Variants in SNTG2 observed in about 807,000 individuals in gnomAD.
SNTG2 encodes the protein gamma-2-syntrophin.
Under a neutral mutation model 70.9 loss-of-function variants are expected in SNTG2, and 74 were observed. The observed-to-expected ratio is 1.04, with a 90% CI of 0.86 to 1.27. The LOEUF (loss-of-function observed/expected upper bound fraction) is 1.27. Among genes scored for constraint, SNTG2 ranks in the 50% most tolerant of loss-of-function variants. The probability of loss-of-function intolerance (pLI) is 0.00; values close to 1 mark genes in which losing one functional copy is unlikely to be tolerated. For synonymous variants in SNTG2, 278 were observed against 273.8 expected (o/e 1.02, Z -0.15); for missense variants, 717 against 690.7 (o/e 1.04, Z -0.43).
At chr2:1,019,226 A>G (rs1660019472) in intron 1 of SNTG2, among the ~76,000 whole-genome samples, 1 of 152,200 alleles carries the variant, frequency 6.6e-6, no homozygotes, top group African/African-American at 2.4e-5. Context: ...TTGAAATCAG[A>G]CAGGCCAGAT....
At chr2:1,084,588 G>A (rs892578420) in intron 2 of SNTG2, among the ~76,000 whole-genome samples, 10 of 152,274 alleles carry the variant, frequency 6.6e-5, no homozygotes, top group East Asian at 3.9e-4. Context: ...ATCCCACCAC[G>A]TGCCCTCTTC....
chr2:1,273,150 C>T (rs1274669036), intron 14 of SNTG2, among the ~76,000 whole-genome samples: 1 of 152,130 alleles, frequency 6.6e-6, no homozygotes, highest in Non-Finnish European at 1.5e-5. Context: ...TGAGGCAAAC[C>T]AAGCTGTCAT....
rs114612463 is a variant in SNTG2, at chr2:1,118,180, G to C, written c.326-19442G>C. On this transcript the variant is annotated intron_variant, in intron 4 of 16. Transcript: ENST00000308624. ...GGGCTTCACGTCACCCCAGGGCCCT[G>C]GTTCCACAGCTGCCCTGTGCACCTG... Among the ~76,000 whole-genome samples the C allele has an allele frequency of 9.4e-3, 1,425 of 152,096 alleles. 33 individuals carry two copies. Among genetic ancestry groups the C allele is most frequent in the African/African-American group, 0.033 (1,349 of 41,484 alleles).
chr2:1,257,137 A>G (rs1678165500), intron 12 of SNTG2, among the ~76,000 whole-genome samples: 1 of 152,038 alleles, frequency 6.6e-6, no homozygotes, highest in Non-Finnish European at 1.5e-5. Context: ...TGCCACACCC[A>G]TAACATCCAT....
intron 13 of SNTG2, among the ~76,000 whole-genome samples, chr2:1,266,175 C>CAGAG (rs61105769): frequency 2.7e-5 from 4 of 149,646 alleles, no homozygotes; most frequent in African/African-American, 9.8e-5. Context: ...GAAATGGAGA[C>CAGAG]AGAGAGAGAG....
chr2:1,064,965 T>C (rs1663057932), intron 1 of SNTG2, among the ~76,000 whole-genome samples: 1 of 152,208 alleles, frequency 6.6e-6, no homozygotes, highest in Non-Finnish European at 1.5e-5. Context: ...TCTGTGTCAA[T>C]ACTAAGCATC....
chr2:1,018,771 T>C lies in SNTG2; in HGVS notation c.73-64747T>C, dbSNP rs190004249. On this transcript the variant is annotated intron_variant, in intron 1 of 16. Transcript: ENST00000308624. ...ATAATAATAAAATAAAAAGATTGCGTGATTTTTTTGTAAAATGTTGGCAAA... is the reference window on the plus strand; with the variant it reads ...ATAATAATAAAATAAAAAGATTGCGCGATTTTTTTGTAAAATGTTGGCAAA... Among the ~76,000 whole-genome samples the C allele has an allele frequency of 2.0e-5, 3 of 152,304 alleles. No homozygotes were observed. The East Asian group carries it at 5.8e-4, about 29-fold the overall frequency.
chr2:1,237,848 G>T, intron 9 of SNTG2, 40 bp from the exon 10 acceptor site: 1 of 1,566,274 alleles, frequency 6.4e-7, no homozygotes, highest in Non-Finnish European at 8.7e-7. Context: ...GCCCGCTCCC[G>T]TCGCTGCGGG....
chr2:1,326,914 G>A (rs748298530), intron 16 of SNTG2, among the ~76,000 whole-genome samples: 3 of 151,644 alleles, frequency 2.0e-5, no homozygotes, highest in African/African-American at 2.4e-5. Context: ...TCCATTAAAT[G>A]CAACCTTAGA....
At chr2:1,098,118 T>A in intron 2 of SNTG2, 78 bp from the exon 3 acceptor site, 1 of 1,492,848 alleles carries the variant, frequency 6.7e-7, no homozygotes, top group Non-Finnish European at 9.3e-7. Context: ...TGGGTTTAAA[T>A]GAAGAATTTC....
intron 16 of SNTG2, among the ~76,000 whole-genome samples, chr2:1,334,982 T>G (rs1027592132): frequency 8.5e-5 from 13 of 152,194 alleles, no homozygotes; most frequent in African/African-American, 2.9e-4. Flanking sequence ...GACAAAGTAC[T>G]CAAAAGACTA....
intron 9 of SNTG2, among the ~76,000 whole-genome samples, chr2:1,233,419 G>A (rs1035893066): frequency 6.6e-6 from 1 of 152,240 alleles, no homozygotes; most frequent in African/African-American, 2.4e-5. Context: ...TCCCAGCGGT[G>A]TGGGCGGGAT....
chr2:1,102,242 A>G (rs1665826627), intron 4 of SNTG2, among the ~76,000 whole-genome samples: 1 of 152,132 alleles, frequency 6.6e-6, no homozygotes, highest in African/African-American at 2.4e-5. Flanking sequence ...TCCTGTGAGT[A>G]AGAGAGTCAG....
chr2:1,294,361 AT>A (rs960735563), intron 14 of SNTG2, among the ~76,000 whole-genome samples: 1 of 152,220 alleles, frequency 6.6e-6, no homozygotes, highest in African/African-American at 2.4e-5. Context: ...AGCTTTGAGA[AT>A]TTCATCTAAT....
intron 1 of SNTG2, among the ~76,000 whole-genome samples, chr2:1,053,667 A>G (rs1022159924): frequency 1.3e-5 from 2 of 151,960 alleles, no homozygotes; most frequent in Non-Finnish European, 2.9e-5. Context: ...TCTCCACATC[A>G]TCATTTCCCA....
intron 14 of SNTG2, among the ~76,000 whole-genome samples, chr2:1,294,542 A>C (rs1680121394): frequency 6.6e-6 from 1 of 152,216 alleles, no homozygotes; most frequent in South Asian, 2.1e-4. Flanking sequence ...ATTTATATTT[A>C]AAAAGTAGAA....
At chr2:1,167,475 G>T (rs1271030237) in intron 7 of SNTG2, among the ~76,000 whole-genome samples, 9 of 138,220 alleles carry the variant, frequency 6.5e-5, no homozygotes, top group African/African-American at 8.5e-5. Flanking sequence ...CCCACAGACG[G>T]CAGAACTGAA....
chr2:1,324,064 G>C (rs1681660668), intron 16 of SNTG2, among the ~76,000 whole-genome samples: 1 of 151,270 alleles, frequency 6.6e-6, no homozygotes. Context: ...ACACCCCCTA[G>C]TAGGCTGGGA....
intron 11 of SNTG2, among the ~76,000 whole-genome samples, chr2:1,243,430 T>C (rs1228279236): frequency 2.1e-5 from 3 of 141,124 alleles, no homozygotes; most frequent in Admixed American, 6.7e-5. Context: ...CAATCAGAAT[T>C]AGATGGTAAT....
Sources: gnomAD v4.1 joint callset for allele counts (sites outside exome capture counted in the v4.1 genomes callset) on GRCh38, gnomAD v4.1.1 for gene constraint, MANE v1.5 for transcripts, NCBI Gene and HGNC (gene_info 2026-07-23, HGNC 2026-07-21) for gene names.